CNTNAP5: variants seen among roughly 807,000 people sequenced by gnomAD.
CNTNAP5 encodes contactin associated protein family member 5, also known as contactin-associated protein-like 5.
Under a neutral mutation model 150.2 loss-of-function variants are expected in CNTNAP5, and 72 were observed. The observed-to-expected ratio is 0.48, with a 90% confidence interval of 0.40 to 0.58. The LOEUF (loss-of-function observed/expected upper bound fraction) is 0.58. Among genes scored for constraint, CNTNAP5 ranks in the 20% least tolerant of loss-of-function variants. CNTNAP5 has a pLI of 0.00. For missense variants in CNTNAP5, 1,636 were observed against 1,626.2 expected (o/e 1.01, Z -0.10); for synonymous variants, 672 against 619.8 (o/e 1.08, Z -1.25).
chr2:124,846,445 T>C (rs1269397214), intron 19 of CNTNAP5, among the ~76,000 whole-genome samples: 1 of 152,170 alleles, frequency 6.6e-6, no homozygotes, highest in Non-Finnish European at 1.5e-5. Context: ...TTTTACTGTC[T>C]ATTTCACTGA....
chr2:124,908,923 GT>G (rs1295528088), intron 22 of CNTNAP5, among the ~76,000 whole-genome samples: 1 of 152,022 alleles, frequency 6.6e-6, no homozygotes, highest in Admixed American at 6.6e-5. Flanking sequence ...AAATATTTTT[GT>G]ATAGTTGTAT....
chr2:124,562,739 C>T (rs2047880), intron 10 of CNTNAP5, among the ~76,000 whole-genome samples: 149,422 of 152,320 alleles, frequency 0.98, 73,366 homozygotes, highest in East Asian at 1. Flanking sequence ...TCTTTTCTAA[C>T]TTCGTGTTGT....
intron 6 of CNTNAP5, among the ~76,000 whole-genome samples, chr2:124,458,980 A>G (rs1338505442): frequency 6.6e-6 from 1 of 152,234 alleles, no homozygotes; most frequent in Non-Finnish European, 1.5e-5. Flanking sequence ...TTAATAATAT[A>G]TAAAAGAAAC....
chr2:124,100,896 A>T (rs1683048658), intron 1 of CNTNAP5, among the ~76,000 whole-genome samples: 1 of 151,956 alleles, frequency 6.6e-6, no homozygotes, highest in African/African-American at 2.4e-5. Flanking sequence ...GAATAAGATA[A>T]AGTTGATGTT....
At chr2:124,566,645 A>G (rs1696031540) in intron 11 of CNTNAP5, among the ~76,000 whole-genome samples, 1 of 152,234 alleles carries the variant, frequency 6.6e-6, no homozygotes, top group Admixed American at 6.5e-5. Flanking sequence ...CTCAGCCAGG[A>G]CAAATCAAAA....
rs1449469506 is a variant in CNTNAP5 at position 124,533,475 on chromosome 2, C to T, written c.1649+6019C>T. Among the ~76,000 whole-genome samples, 4 of 152,186 alleles carry T rather than the reference C, an allele frequency of 2.6e-5. No individual in the cohort carries two copies. The East Asian group carries it at 7.7e-4, about 29-fold the overall frequency. On this transcript the variant is annotated intron_variant, in intron 10 of 23. Transcript: ENST00000682447. ...TGAGAACAATGCTGTAAAGCTTCTG[C>T]TCCTGGAGGACGTGGAATTGTGTGG... is the stretch of plus-strand genomic sequence containing the variant.
At chr2:124,411,575 T>G (rs1337985310) in intron 3 of CNTNAP5, among the ~76,000 whole-genome samples, 1 of 139,850 alleles carries the variant, frequency 7.2e-6, no homozygotes, top group Non-Finnish European at 1.6e-5. Context: ...TGGTTCAATA[T>G]ACGCAAATCA....
chr2:124,872,830 C>T (rs944705592), intron 21 of CNTNAP5, among the ~76,000 whole-genome samples: 2 of 151,918 alleles, frequency 1.3e-5, no homozygotes, highest in Non-Finnish European at 2.9e-5. Context: ...TTAAATCTTA[C>T]CACTGTGTAT....
intron 4 of CNTNAP5, among the ~76,000 whole-genome samples, chr2:124,430,969 A>T (rs992925092): frequency 1.3e-5 from 2 of 152,184 alleles, no homozygotes; most frequent in Non-Finnish European, 2.9e-5. Flanking sequence ...CAATTTTCAC[A>T]ATGACTTTGA....
chr2:124,347,828 A>AT (rs11431857), intron 3 of CNTNAP5, among the ~76,000 whole-genome samples: 45,411 of 146,054 alleles, frequency 0.31, 6,997 homozygotes, highest in Middle Eastern at 0.37. Context: ...CTCCTTGACA[A>AT]TTTTTTTTTT....
In CNTNAP5 at chr2:124,343,390, C is replaced by A. The variant is rs543998758; in HGVS notation, c.382-74053C>A. Among the ~76,000 whole-genome samples the A allele has an allele frequency of 5.3e-5, 8 of 152,098 alleles. No homozygotes were observed. In the East Asian group the frequency reaches 1.4e-3, roughly 26 times the overall value. On this transcript the variant is annotated intron_variant, in intron 3 of 23. Transcript: ENST00000682447. ...ATATAATTTAACATATTGGATAAGCCTCATTGGTTTAATATCTTTTTAGGG... is the reference window on the plus strand; with the variant it reads ...ATATAATTTAACATATTGGATAAGCATCATTGGTTTAATATCTTTTTAGGG...
chr2:124,795,390 G>A (rs910354920), intron 18 of CNTNAP5, among the ~76,000 whole-genome samples: 1 of 152,186 alleles, frequency 6.6e-6, no homozygotes, highest in Non-Finnish European at 1.5e-5. Flanking sequence ...TCCTCTTGCA[G>A]GTCTCAGGAG....
intron 1 of CNTNAP5, among the ~76,000 whole-genome samples, chr2:124,084,929 T>TTTTTTTTTTTC (rs1291371903): frequency 8.9e-6 from 1 of 112,488 alleles, no homozygotes; most frequent in Non-Finnish European, 2.1e-5. Context: ...TTCCTGTTTT[T>TTTTTTTTTTTC]TTTTTTTTTT....
At chr2:124,912,703 G>A (rs1267521967) in intron 23 of CNTNAP5, among the ~76,000 whole-genome samples, 1 of 152,038 alleles carries the variant, frequency 6.6e-6, no homozygotes, top group Non-Finnish European at 1.5e-5. Context: ...GAAAAAGAAA[G>A]ACTTTTGTGA....
intron 13 of CNTNAP5, among the ~76,000 whole-genome samples, chr2:124,686,222 G>A (rs762875671): frequency 1.3e-5 from 2 of 152,102 alleles, no homozygotes; most frequent in South Asian, 4.1e-4. Context: ...ACTGGGGAGA[G>A]GTACACAGAC....
intron 3 of CNTNAP5, among the ~76,000 whole-genome samples, chr2:124,348,120 C>CTA (rs1444081786): frequency 1.3e-5 from 2 of 152,118 alleles, no homozygotes; most frequent in African/African-American, 4.8e-5. Context: ...AGTACTCATA[C>CTA]TATCTCCACA....
intron 1 of CNTNAP5, among the ~76,000 whole-genome samples, chr2:124,143,663 T>C (rs1273354518): frequency 9.2e-5 from 11 of 119,334 alleles, no homozygotes; most frequent in Admixed American, 1.9e-4. Flanking sequence ...GAGCTATCTA[T>C]GACAAACCCA....
intron 16 of CNTNAP5, among the ~76,000 whole-genome samples, chr2:124,771,432 C>T (rs1681189682): frequency 6.6e-6 from 1 of 152,140 alleles, no homozygotes; most frequent in South Asian, 2.1e-4. Flanking sequence ...AGAACCCTGC[C>T]TGTGGAGTCA....
chr2:124,434,808 T>C (rs369386948), intron 5 of CNTNAP5, 121 bp downstream of exon 5: 2 of 795,808 alleles, frequency 2.5e-6, no homozygotes, highest in Admixed American at 5.0e-5. Flanking sequence ...ATAAGTGATA[T>C]TGGTGGGGAT....
Sources: gnomAD v4.1 joint callset for allele counts (sites outside exome capture counted in the v4.1 genomes callset) on GRCh38, gnomAD v4.1.1 for gene constraint, MANE v1.5 for transcripts, NCBI Gene and HGNC (gene_info 2026-07-23, HGNC 2026-07-21) for gene names.